The following FBN2 variants were observed in gnomAD, a reference collection of about 807,000 sequenced individuals.
FBN2 encodes the protein fibrillin-2.
Under a neutral mutation model 355.6 loss-of-function variants are expected in FBN2, and 105 were observed. The observed-to-expected ratio is 0.30, with a 90% confidence interval of 0.25 to 0.35. FBN2 has a LOEUF of 0.35. FBN2 is among the 10% of genes least tolerant of loss of function. The pLI, the probability that FBN2 is intolerant of heterozygous loss-of-function variation, is 1.00. For missense variants in FBN2, 3,280 were observed against 3,758.7 expected (o/e 0.87, Z 3.33); for synonymous variants, 1,350 against 1,301.2 (o/e 1.04, Z -0.81).
At position 128,288,520 on chromosome 5, in the gene FBN2, A is replaced by G. The variant is rs780224150; in HGVS notation, c.6675T>C (p.Asn2225=). 6.2e-7 allele frequency: 1 copy of G among 1,613,888 alleles called. No homozygotes were observed. Residue 2225 remains asparagine, a synonymous_variant, in exon 53 of 65, where the codon AAT becomes AAC. Transcript: ENST00000262464. ...TCCCAATAACATTGGTGCATGTACC[A>G]TTTCCACACGGATTGCCGATTGAAC... The part of the protein sequence containing the change: ...DECSIGNPCG[N]GTCTNVIGSF...
rs2307108 is a variant in FBN2 at position 128,274,310 on chromosome 5, C to T, written c.7711+257G>A. 0.59 allele frequency among the ~76,000 whole-genome samples: 89,709 copies of T among 151,890 alleles called. 26,847 individuals are homozygous for T. Among genetic ancestry groups the T allele is most frequent in the African/African-American group, 0.68 (28,219 of 41,438 alleles). ...ATATTTTGTCTGAACACCATGGTTG[C>T]ATTAAGAATGTGATATAAAGGCACT... On this transcript the variant is annotated intron_variant, in intron 60 of 64. Transcript: ENST00000262464.
chr5:128,297,010 T>C (rs571345385), intron 48 of FBN2, among the ~76,000 whole-genome samples: 5 of 152,324 alleles, frequency 3.3e-5, no homozygotes, highest in African/African-American at 1.2e-4. Context: ...CTGCTTTGAA[T>C]GTGTCCCAGA....
chr5:128,324,078 G>T lies in FBN2; in HGVS notation c.4471+4618C>A, dbSNP rs529596915. 1.8e-3 allele frequency among the ~76,000 whole-genome samples: 271 copies of T among 152,352 alleles called. 4 individuals carry two copies. The highest frequency in any genetic ancestry group is 0.015 in the South Asian group (74 of 4,828). ...CTAGATCTTCTAGTTTATTTGCAGA[G>T]AGGTGTTTATAGTATTCTCTGATGG... On this transcript the variant is annotated intron_variant, in intron 34 of 64. Transcript: ENST00000262464.
chr5:128,301,005 C>T, intron 47 of FBN2, 69 bp from the exon 48 acceptor site: 2 of 1,457,282 alleles, frequency 1.4e-6, no homozygotes, highest in Non-Finnish European at 1.9e-6. Flanking sequence ...TATCTGTCTG[C>T]CAAATGATAT....
At chr5:128,263,360 G>A in intron 63 of FBN2, 65 bp downstream of exon 63, 1 of 1,197,402 alleles carries the variant, frequency 8.4e-7, no homozygotes, top group Non-Finnish European at 1.2e-6. Context: ...CTGCAGTGGG[G>A]GGTGGCCTGA....
intron 5 of FBN2, among the ~76,000 whole-genome samples, chr5:128,481,735 C>T (rs1245670088): frequency 6.6e-6 from 1 of 151,986 alleles, no homozygotes; most frequent in African/African-American, 2.4e-5. Context: ...TATCTTCTGT[C>T]CCTAATTATT....
chr5:128,288,633 G>T (rs1462419075), intron 52 of FBN2, 76 bp from the exon 53 acceptor site: 2 of 1,537,476 alleles, frequency 1.3e-6, no homozygotes, highest in Admixed American at 1.7e-5. Flanking sequence ...ACCCATGCTT[G>T]GCCCTCACCC....
At chr5:128,534,042 C>T (rs1056993140) in intron 2 of FBN2, among the ~76,000 whole-genome samples, 13 of 152,098 alleles carry the variant, frequency 8.5e-5, no homozygotes, top group Non-Finnish European at 1.3e-4. Flanking sequence ...TTTTTAATAT[C>T]TTCTCCTTAT....
At chr5:128,472,429 C>T (rs1395199182) in intron 5 of FBN2, among the ~76,000 whole-genome samples, 2 of 152,084 alleles carry the variant, frequency 1.3e-5, no homozygotes, top group Non-Finnish European at 1.5e-5. Flanking sequence ...GATAAAAAGA[C>T]TTCTGTGGAT....
chr5:128,476,015 G>C (rs1754999713), intron 5 of FBN2, among the ~76,000 whole-genome samples: 1 of 152,194 alleles, frequency 6.6e-6, no homozygotes, highest in Admixed American at 6.5e-5. Context: ...ACCAGGATGA[G>C]TGAATAAGTA....
At chr5:128,510,986 T>TA (rs1756113121) in intron 5 of FBN2, among the ~76,000 whole-genome samples, 1 of 152,208 alleles carries the variant, frequency 6.6e-6, no homozygotes, top group Non-Finnish European at 1.5e-5. Flanking sequence ...TCCATTTTTT[T>TA]ATTCATGGTG....
At position 128,496,965 on chromosome 5, in the gene FBN2, T is replaced by C. The variant is rs564622114; in HGVS notation, c.628+22308A>G. ...TCTATTACAATAGCACTAAAAAGAA[T>C]AAAATAGAAATAAATTTGACAAAAG... On this transcript the variant is annotated intron_variant, in intron 5 of 64. Coordinates refer to ENST00000262464, the MANE Select transcript of FBN2 (RefSeq NM_001999.4). 5.9e-5 allele frequency among the ~76,000 whole-genome samples: 9 copies of C among 151,938 alleles called. No homozygotes were observed. In the South Asian group the frequency reaches 1.9e-3, roughly 32 times the overall value.
At chr5:128,400,276 AAT>A (rs1752763038) in intron 8 of FBN2, among the ~76,000 whole-genome samples, 1 of 152,112 alleles carries the variant, frequency 6.6e-6, no homozygotes, top group Middle Eastern at 3.2e-3. Flanking sequence ...AAGAAAAAAA[AAT>A]AGAGTCAATA....
intron 8 of FBN2, among the ~76,000 whole-genome samples, chr5:128,408,207 A>G (rs1476723187): frequency 1.3e-5 from 2 of 152,224 alleles, no homozygotes; most frequent in Non-Finnish European, 2.9e-5. Context: ...GCACTATTGC[A>G]TCTTTCTAAA....
chr5:128,313,595 CT>C (rs1750117448), intron 36 of FBN2, among the ~76,000 whole-genome samples: 1 of 151,938 alleles, frequency 6.6e-6, no homozygotes, highest in Non-Finnish European at 1.5e-5. Context: ...ACTATGATTC[CT>C]TATTCAATCC....
chr5:128,417,249 T>C (rs186644448), intron 7 of FBN2, among the ~76,000 whole-genome samples: 16 of 152,302 alleles, frequency 1.1e-4, no homozygotes, highest in African/African-American at 3.8e-4. Flanking sequence ...CTAAGAGGTT[T>C]TGGTGCAATT....
chr5:128,452,382 G>A (rs754213254), intron 6 of FBN2, among the ~76,000 whole-genome samples: 32 of 152,032 alleles, frequency 2.1e-4, no homozygotes, highest in African/African-American at 3.9e-4. Context: ...ATGCAATAAC[G>A]TCAGTCCATG....
At chr5:128,335,676 C>T (rs1448582046) in intron 28 of FBN2, 99 bp from the exon 29 acceptor site, 7 of 1,388,652 alleles carry the variant, frequency 5.0e-6, no homozygotes, top group Non-Finnish European at 7.2e-6. Context: ...TTGAATTTTT[C>T]TCCCCACTAT....
At chr5:128,486,584 T>G (rs1755342685) in intron 5 of FBN2, among the ~76,000 whole-genome samples, 1 of 152,160 alleles carries the variant, frequency 6.6e-6, no homozygotes, top group African/African-American at 2.4e-5. Flanking sequence ...CAGGGCCCCT[T>G]ACCGAGTAGA....
Sources: gnomAD v4.1 joint callset for allele counts (sites outside exome capture counted in the v4.1 genomes callset) on GRCh38, gnomAD v4.1.1 for gene constraint, MANE v1.5 for transcripts, NCBI Gene and HGNC (gene_info 2026-07-23, HGNC 2026-07-21) for gene names.